PVT1: variants seen among roughly 807,000 people sequenced by gnomAD.
The protein encoded by PVT1 is CXCR4/PVT1 fusion.
intron 4 of PVT1, among the ~76,000 whole-genome samples, chr8:128,062,226 C>CAT (rs963788063): frequency 6.6e-6 from 1 of 152,218 alleles, no homozygotes; most frequent in African/African-American, 2.4e-5. Context: ...TTTCCTTTGG[C>CAT]ATTAAGATAA....
chr8:127,899,088 C>T (rs1281650606), intron 3 of PVT1, among the ~76,000 whole-genome samples: 2 of 152,210 alleles, frequency 1.3e-5, no homozygotes, highest in African/African-American at 2.4e-5. Context: ...GCTTTCTGCT[C>T]ACTGGGGGGC....
At chr8:127,849,704 T>A (rs111610671) in intron 2 of PVT1, among the ~76,000 whole-genome samples, 1 of 129,282 alleles carries the variant, frequency 7.7e-6, no homozygotes, top group East Asian at 2.4e-4. Flanking sequence ...TGTGTGTGTG[T>A]GCCCCTGCGT....
chr8:127,804,134 C>G (rs555868586), intron 2 of PVT1, among the ~76,000 whole-genome samples: 1 of 152,160 alleles, frequency 6.6e-6, no homozygotes, highest in South Asian at 2.1e-4. Flanking sequence ...GAAGCTTGCT[C>G]GAACCCAGAA....
chr8:128,051,616 T>C (rs1443625593), intron 4 of PVT1, among the ~76,000 whole-genome samples: 3 of 152,114 alleles, frequency 2.0e-5, no homozygotes, highest in Admixed American at 2.0e-4. Flanking sequence ...ATAAGTCCCA[T>C]AGGTTTTCTT....
At position 128,029,755 on chromosome 8, in the gene PVT1, C is replaced by T. The variant is rs565898937; in HGVS notation, n.913-40405C>T. Among the ~76,000 whole-genome samples, 12 of 152,220 alleles carry T rather than the reference C, an allele frequency of 7.9e-5. No homozygotes were observed. The East Asian group carries it at 1.2e-3, about 15-fold the overall frequency. On this transcript the variant is annotated intron_variant and non_coding_transcript_variant, in intron 4 of 10. Transcript: ENST00000651587. Reference sequence around the variant, plus strand: ...TGGAGGTTGCAGTGAGCCGAGATCGCGCCACTGCACTCCAGCCTGGGCAAC... The same window carrying T: ...TGGAGGTTGCAGTGAGCCGAGATCGTGCCACTGCACTCCAGCCTGGGCAAC...
chr8:127,994,628 T>G (rs954500170), intron 4 of PVT1, among the ~76,000 whole-genome samples: 1 of 152,250 alleles, frequency 6.6e-6, no homozygotes, highest in Non-Finnish European at 1.5e-5. Flanking sequence ...GGAGATTTAT[T>G]TATTATAAGG....
chr8:127,918,386 C>T (rs770980522), intron 3 of PVT1, among the ~76,000 whole-genome samples: 7 of 152,138 alleles, frequency 4.6e-5, no homozygotes, highest in Non-Finnish European at 4.4e-5. Context: ...CGGACTTGCT[C>T]GGTGAATGGA....
intron 4 of PVT1, among the ~76,000 whole-genome samples, chr8:128,003,610 G>T (rs1466282812): frequency 6.6e-6 from 1 of 152,218 alleles, no homozygotes; most frequent in Non-Finnish European, 1.5e-5. Flanking sequence ...TGGGATTACG[G>T]GTGTGCGCCA....
chr8:128,035,409 G>A (rs1451109098), intron 4 of PVT1, among the ~76,000 whole-genome samples: 1 of 152,190 alleles, frequency 6.6e-6, no homozygotes, highest in African/African-American at 2.4e-5. Context: ...TTGGACCTGA[G>A]CCCATCTGTC....
At chr8:128,081,548 G>C (rs1314464115) in intron 5 of PVT1, among the ~76,000 whole-genome samples, 1 of 152,188 alleles carries the variant, frequency 6.6e-6, no homozygotes, top group East Asian at 1.9e-4. Flanking sequence ...AAACCTTTGG[G>C]TTGGGGGTTA....
chr8:127,907,157 C>T (rs553253080), intron 3 of PVT1, among the ~76,000 whole-genome samples: 37 of 151,914 alleles, frequency 2.4e-4, no homozygotes, highest in Non-Finnish European at 4.9e-4. Context: ...TTGGTAGAGA[C>T]GGGGTTTCAC....
At chr8:128,015,144 C>T (rs904748663) in intron 4 of PVT1, among the ~76,000 whole-genome samples, 2 of 151,932 alleles carry the variant, frequency 1.3e-5, no homozygotes, top group East Asian at 3.9e-4. Context: ...GGCTGGAGTA[C>T]AGTGGTGCGA....
chr8:128,048,301 A>T (rs963750684), intron 4 of PVT1: 1 of 152,220 alleles, frequency 6.6e-6, no homozygotes, highest in East Asian at 1.9e-4. Context: ...TTCTTTCCAC[A>T]GTTTCCTTCT....
chr8:128,034,147 C>G (rs1813432384), intron 4 of PVT1, among the ~76,000 whole-genome samples: 2 of 150,966 alleles, frequency 1.3e-5, no homozygotes, highest in African/African-American at 4.9e-5. Flanking sequence ...ACAAGATGTT[C>G]TCTACCTCCC....
chr8:127,880,846 G>A (rs1281600502), intron 2 of PVT1, among the ~76,000 whole-genome samples: 6 of 152,280 alleles, frequency 3.9e-5, no homozygotes, highest in Admixed American at 2.6e-4. Flanking sequence ...TGATCCACAC[G>A]CCTCAGCCTC....
At chr8:127,927,971 C>T (rs758743758) in intron 3 of PVT1, among the ~76,000 whole-genome samples, 8 of 152,198 alleles carry the variant, frequency 5.3e-5, no homozygotes, top group Non-Finnish European at 1.2e-4. Flanking sequence ...GAAGGGCTGT[C>T]GTCCCCTCTG....
chr8:127,878,801 C>T (rs533976640), intron 2 of PVT1, among the ~76,000 whole-genome samples: 35 of 152,354 alleles, frequency 2.3e-4, no homozygotes, highest in African/African-American at 8.4e-4. Flanking sequence ...CTGGATGCTG[C>T]CCACAGGCAT....
intron 3 of PVT1, among the ~76,000 whole-genome samples, chr8:127,902,582 C>T (rs990703880): frequency 6.6e-6 from 1 of 152,108 alleles, no homozygotes; most frequent in Non-Finnish European, 1.5e-5. Flanking sequence ...CCTTGTCCCC[C>T]TCTTTTCCTC....
intron 3 of PVT1, among the ~76,000 whole-genome samples, chr8:127,891,157 G>A (rs1467330549): frequency 6.6e-6 from 1 of 152,172 alleles, no homozygotes; most frequent in Non-Finnish European, 1.5e-5. Flanking sequence ...AGCCGTTACT[G>A]TTCCCTGCCC....
Sources: gnomAD v4.1 joint callset for allele counts (sites outside exome capture counted in the v4.1 genomes callset) on GRCh38, gnomAD v4.1.1 for gene constraint, MANE v1.5 for transcripts, NCBI Gene and HGNC (gene_info 2026-07-23, HGNC 2026-07-21) for gene names.